CDIN1: variants seen among roughly 807,000 people sequenced by gnomAD.
The protein encoded by CDIN1 is CDAN1-interacting nuclease 1.
In CDIN1, 33 loss-of-function variants were observed where a neutral mutation model predicts 45.3. That is an observed-to-expected ratio of 0.73 (90% CI 0.55 to 0.97). The LOEUF (loss-of-function observed/expected upper bound fraction) is 0.97, where lower values mean the gene tolerates loss of function less well. CDIN1 is among the 50% of genes least tolerant of loss of function. The pLI is 0.00. For missense variants in CDIN1, 303 were observed against 339.4 expected (o/e 0.89, Z 0.84); for synonymous variants, 118 against 124.4 (o/e 0.95, Z 0.34).
intron 1 of CDIN1, among the ~76,000 whole-genome samples, chr15:36,589,688 T>A (rs940514877): frequency 3.3e-5 from 5 of 152,168 alleles, no homozygotes; most frequent in Non-Finnish European, 7.4e-5. Flanking sequence ...GTATTTTTAG[T>A]AGAGACGGGG....
chr15:36,794,363 TAC>T (rs745440217), intron 10 of CDIN1, among the ~76,000 whole-genome samples: 60 of 152,316 alleles, frequency 3.9e-4, no homozygotes, highest in South Asian at 8.3e-4. Context: ...TTTTTAAGTG[TAC>T]AGTCTTAAGC....
At chr15:36,634,418 G>A (rs559933567) in intron 1 of CDIN1, among the ~76,000 whole-genome samples, 7 of 152,152 alleles carry the variant, frequency 4.6e-5, no homozygotes, top group East Asian at 1.9e-4. Flanking sequence ...GCAAGACTCC[G>A]TCTCAACAAC....
chr15:36,659,756 T>C (rs2040922053), intron 5 of CDIN1, among the ~76,000 whole-genome samples: 1 of 151,984 alleles, frequency 6.6e-6, no homozygotes, highest in African/African-American at 2.4e-5. Flanking sequence ...TCAAAAATGC[T>C]GTATTAAAAT....
chr15:36,762,261 T>C (rs1433760203), intron 10 of CDIN1, among the ~76,000 whole-genome samples: 1 of 152,200 alleles, frequency 6.6e-6, no homozygotes, highest in Non-Finnish European at 1.5e-5. Flanking sequence ...CTTTTCCTTT[T>C]GTTACACGCA....
chr15:36,785,843 C>T (rs916047631), intron 10 of CDIN1, among the ~76,000 whole-genome samples: 1 of 151,918 alleles, frequency 6.6e-6, no homozygotes, highest in Admixed American at 6.6e-5. Context: ...GACTTGTTGG[C>T]TTGACACACA....
chr15:36,626,158 T>G lies in CDIN1; in HGVS notation c.102-18120T>G, dbSNP rs914029068. 2.6e-5 allele frequency among the ~76,000 whole-genome samples: 4 copies of G among 151,698 alleles called. No homozygotes were observed. In the East Asian group the frequency reaches 7.7e-4, roughly 29 times the overall value. On this transcript the variant is annotated intron_variant, in intron 1 of 10. Transcript: ENST00000566621. ...ATATATATAATTTATTTTTAAATTTTTGTTTATTTAAGCCCCTGTTCATTT... is the reference window on the plus strand; with the variant it reads ...ATATATATAATTTATTTTTAAATTTGTGTTTATTTAAGCCCCTGTTCATTT...
intron 10 of CDIN1, among the ~76,000 whole-genome samples, chr15:36,770,453 T>G (rs992229502): frequency 7.8e-4 from 118 of 151,888 alleles, no homozygotes; most frequent in African/African-American, 2.5e-3. Context: ...TTATTATTAT[T>G]ATTATTATTA....
intron 7 of CDIN1, among the ~76,000 whole-genome samples, chr15:36,694,261 A>T (rs2042348066): frequency 6.6e-6 from 1 of 152,332 alleles, no homozygotes; most frequent in East Asian, 1.9e-4. Flanking sequence ...ACTTGCATAG[A>T]TGTTTCCTAG....
chr15:36,654,045 C>A, intron 3 of CDIN1, 53 bp from the exon 4 acceptor site: 1 of 1,359,728 alleles, frequency 7.4e-7, no homozygotes, highest in Non-Finnish European at 1.0e-6. Context: ...GCTGACAAGT[C>A]TATGCTGGCC....
At chr15:36,602,277 T>C (rs965255615) in intron 1 of CDIN1, among the ~76,000 whole-genome samples, 1 of 152,230 alleles carries the variant, frequency 6.6e-6, no homozygotes, top group Non-Finnish European at 1.5e-5. Flanking sequence ...TTCCCTCACA[T>C]GTATTGCAAC....
chr15:36,664,695 C>A (rs966669011), intron 5 of CDIN1, among the ~76,000 whole-genome samples: 11 of 152,030 alleles, frequency 7.2e-5, no homozygotes, highest in Non-Finnish European at 1.5e-5. Flanking sequence ...TACAGGCGCC[C>A]ACCACCACGC....
At chr15:36,605,766 T>C (rs1427591552) in intron 1 of CDIN1, among the ~76,000 whole-genome samples, 1 of 152,206 alleles carries the variant, frequency 6.6e-6, no homozygotes, top group African/African-American at 2.4e-5. Flanking sequence ...ATTTGGTATC[T>C]TAAAGAGTGG....
intron 1 of CDIN1, among the ~76,000 whole-genome samples, chr15:36,605,376 T>TA (rs1023869428): frequency 6.6e-5 from 10 of 152,050 alleles, no homozygotes; most frequent in Admixed American, 2.0e-4. Flanking sequence ...ATTTTTTTTT[T>TA]AATCTGGAAT....
At chr15:36,684,363 A>T (rs1040999431) in intron 5 of CDIN1, among the ~76,000 whole-genome samples, 1 of 152,148 alleles carries the variant, frequency 6.6e-6, no homozygotes, top group African/African-American at 2.4e-5. Flanking sequence ...CTCTGTTTAT[A>T]TGCTGGATTA....
At chr15:36,637,362 G>A (rs1292985473) in intron 1 of CDIN1, among the ~76,000 whole-genome samples, 2 of 152,130 alleles carry the variant, frequency 1.3e-5, no homozygotes, top group Non-Finnish European at 2.9e-5. Context: ...GACACAAAAA[G>A]TACTAAAACA....
chr15:36,583,269 A>C (rs1043454254), intron 1 of CDIN1, among the ~76,000 whole-genome samples: 1 of 152,056 alleles, frequency 6.6e-6, no homozygotes, highest in African/African-American at 2.4e-5. Context: ...TTTATTCTTA[A>C]TTTTTAAATC....
chr15:36,751,229 TTATATATATATATA>T (rs10557235), intron 10 of CDIN1, among the ~76,000 whole-genome samples: 14 of 97,574 alleles, frequency 1.4e-4, no homozygotes, highest in South Asian at 1.2e-3. Context: ...TATGCTTATT[TTATATATATATATA>T]TATATATATA....
chr15:36,656,791 C>G (rs1259790155), intron 4 of CDIN1, among the ~76,000 whole-genome samples: 1 of 152,042 alleles, frequency 6.6e-6, no homozygotes, highest in South Asian at 2.1e-4. Context: ...CAAGTACATA[C>G]GTATTTGAAA....
chr15:36,671,887 C>T (rs953191994), intron 5 of CDIN1, among the ~76,000 whole-genome samples: 5 of 152,110 alleles, frequency 3.3e-5, no homozygotes, highest in African/African-American at 7.2e-5. Flanking sequence ...AATGTGGAAT[C>T]ACCTTTGGGT....
Sources: allele counts gnomAD v4.1 joint callset (sites outside exome capture counted in the v4.1 genomes callset), GRCh38; gene constraint gnomAD v4.1.1; transcripts MANE v1.5; gene names NCBI Gene and HGNC (gene_info 2026-07-23, HGNC 2026-07-21).